Variants in STAT4 observed in about 807,000 individuals in gnomAD.
The protein encoded by STAT4 is signal transducer and activator of transcription 4.
Under a neutral mutation model 110.5 loss-of-function variants are expected in STAT4, and 42 were observed. The observed-to-expected ratio is 0.38, with a 90% CI of 0.30 to 0.49. The LOEUF (loss-of-function observed/expected upper bound fraction) is 0.49, where lower values mean the gene tolerates loss of function less well. Among genes scored for constraint, STAT4 ranks in the 20% least tolerant of loss-of-function variants. The probability of loss-of-function intolerance (pLI) is 0.95; values close to 1 mark genes in which losing one functional copy is unlikely to be tolerated. For missense variants in STAT4, 632 were observed against 887.9 expected (o/e 0.71, Z 3.66); for synonymous variants, 284 against 302.2 (o/e 0.94, Z 0.63).
At chr2:191,109,564 G>A (rs1490814808) in intron 3 of STAT4, among the ~76,000 whole-genome samples, 1 of 152,182 alleles carries the variant, frequency 6.6e-6, no homozygotes, top group Admixed American at 6.5e-5. Context: ...AGGTGGCTTT[G>A]TTGGGGTCAT....
chr2:191,031,508 G>C lies in STAT4; in HGVS notation c.2053C>G (p.Pro685Ala), dbSNP rs1163611406. The change falls in exon 22 of 24, where the codon CCA becomes GCA. Residue 685 changes from proline (P) to alanine (A), a missense_variant. Pro to Ala is a conservative substitution (Grantham distance 27, BLOSUM62 -1). Transcript: ENST00000392320. This position sits in a 1 kb window ranked among gnomAD's most constrained non-coding sequence, Gnocchi z 4.8. ...YSSQPCEVSRPTERGDKGYVP... is the reference protein window; with the variant it reads ...YSSQPCEVSRATERGDKGYVP... The stretch of plus-strand genomic sequence containing the variant: ...TAACCTTTGTCACCCCTTTCTGTTG[G>C]TCTTGAAACTGGAAAACAAAAAGGC... 3.7e-6 allele frequency: 6 copies of C among 1,612,802 alleles called. No homozygotes were observed. Among genetic ancestry groups the C allele is most frequent in the Non-Finnish European group, 5.1e-6 (6 of 1,179,396 alleles).
chr2:191,136,742 G>A (rs1052949827), intron 3 of STAT4, among the ~76,000 whole-genome samples: 4 of 152,052 alleles, frequency 2.6e-5, no homozygotes, highest in Admixed American at 2.6e-4. Flanking sequence ...GTGACAGAGT[G>A]AGACTCTGTA....
chr2:191,039,134 T>C lies in STAT4; in HGVS notation c.1434+65A>G. The C allele has an allele frequency of 7.1e-7, 1 of 1,417,104 alleles. No individual in the cohort carries two copies. Among genetic ancestry groups the C allele is most frequent in the Non-Finnish European group, 1.0e-6 (1 of 1,000,714 alleles). 87.8% of individuals were successfully genotyped at this position (1,417,104 alleles called of 1,614,324 possible). A position where few individuals can be genotyped will look rare whatever the true frequency, so the allele number is the denominator to read the frequency against. On this transcript the variant is annotated intron_variant, in intron 16 of 23. Coordinates refer to ENST00000392320, the MANE Select transcript of STAT4 (RefSeq NM_003151.4). This position sits in a 1 kb window ranked among gnomAD's most constrained non-coding sequence, Gnocchi z 4.7. Reference sequence around the variant, plus strand: ...TGGCACACACATGTTTTGATGCAGATGTGTTTGTTGGCAATAAAACAAATC... The same window carrying C: ...TGGCACACACATGTTTTGATGCAGACGTGTTTGTTGGCAATAAAACAAATC...
intron 3 of STAT4, among the ~76,000 whole-genome samples, chr2:191,085,920 C>A (rs1272368063): frequency 6.6e-6 from 1 of 152,012 alleles, no homozygotes; most frequent in Non-Finnish European, 1.5e-5. Flanking sequence ...TCAAGAAAAC[C>A]TTTTTTTCAT....
intron 3 of STAT4, among the ~76,000 whole-genome samples, chr2:191,079,033 C>A (rs755940059): frequency 6.6e-6 from 1 of 152,054 alleles, no homozygotes; most frequent in Non-Finnish European, 1.5e-5. Flanking sequence ...CACTGCTCTG[C>A]TGGGCCAGCT....
At chr2:191,114,452 G>A (rs4254532) in intron 3 of STAT4, among the ~76,000 whole-genome samples, 90,731 of 152,000 alleles carry the variant, frequency 0.6, 27,696 homozygotes, top group South Asian at 0.72. Flanking sequence ...AAGAAGAAAC[G>A]ATATATTTAA....
rs1318958255 is a variant in STAT4, at chr2:191,059,382, T to C, written c.1035-613A>G. 6.6e-6 allele frequency among the ~76,000 whole-genome samples: 1 copy of C among 152,252 alleles called. No individual in the cohort carries two copies. Among genetic ancestry groups the C allele is most frequent in the African/African-American group, 2.4e-5 (1 of 41,468 alleles). ...TTCCTTCTGGTGTCAGCCCATCCTT[T>C]ATTCTTTTGCTTTCTCCAGCTCCTC... On this transcript the variant is annotated intron_variant, in intron 10 of 23. Coordinates refer to ENST00000392320, the MANE Select transcript of STAT4 (RefSeq NM_003151.4). The surrounding 1 kb of genome is among the most constrained non-coding windows in gnomAD (Gnocchi z 4.7).
intron 3 of STAT4, among the ~76,000 whole-genome samples, chr2:191,141,079 G>C (rs947152093): frequency 6.6e-6 from 1 of 151,944 alleles, no homozygotes; most frequent in Non-Finnish European, 1.5e-5. Flanking sequence ...TTGGGGACTT[G>C]TGGGGGAAGG....
In STAT4 at chr2:191,042,032, G is replaced by C. The variant is rs1345202484; in HGVS notation, c.1252-884C>G. On this transcript the variant is annotated intron_variant, in intron 14 of 23. Transcript: ENST00000392320. The surrounding 1 kb of genome is among the most constrained non-coding windows in gnomAD (Gnocchi z 4.2). ...CCCCTTCTCCGACATCTAGAGCCAG[G>C]CTTAAAAGCTCCTGGAAAGGTATCT... 6.6e-6 allele frequency among the ~76,000 whole-genome samples: 1 copy of C among 152,166 alleles called. No homozygotes were observed. The highest frequency in any genetic ancestry group is 1.5e-5 in the Non-Finnish European group (1 of 68,024).
Position 191,036,099 on chromosome 2 carries a change from C to T in STAT4, c.1570+65G>A. 1.9e-6 allele frequency: 3 copies of T among 1,570,458 alleles called. No homozygotes were observed. In the Admixed American group the frequency reaches 5.6e-5, roughly 29 times the overall value. ...TATTATTAGTAGTAGTAATAGCGTC[C>T]TGGTTATTTAAAATGCCTGAGGGCC... is the stretch of plus-strand genomic sequence containing the variant. On this transcript the variant is annotated intron_variant, in intron 17 of 23. Coordinates refer to ENST00000392320, the MANE Select transcript of STAT4 (RefSeq NM_003151.4).
chr2:191,033,106 C>T lies in STAT4; in HGVS notation c.1896G>A (p.Arg632=), dbSNP rs112819248. Residue 632 remains arginine, a synonymous_variant, in exon 21 of 24, where the codon CGG becomes CGA. Transcript: ENST00000392320. The surrounding 1 kb of genome is among the most constrained non-coding windows in gnomAD (Gnocchi z 6.9). ...FHSVEPYNKG[R]LSALPFADIL... is the part of the protein sequence containing the mutation. The stretch of plus-strand genomic sequence containing the variant: ...TGTCAGCGAATGGCAGAGCAGACAA[C>T]CGGCCTTTATTGTAGGGTTCTACAG... 6.2e-7 allele frequency: 1 copy of T among 1,614,136 alleles called. No individual in the cohort carries two copies. Among genetic ancestry groups the T allele is most frequent in the South Asian group, 1.1e-5 (1 of 91,084 alleles).
In STAT4 at chr2:191,031,755, T is replaced by G. The variant is rs1695902667; in HGVS notation, c.2045-239A>C. On this transcript the variant is annotated intron_variant, in intron 21 of 23. Transcript: ENST00000392320. The surrounding 1 kb of genome is among the most constrained non-coding windows in gnomAD (Gnocchi z 4.8). The stretch of plus-strand genomic sequence containing the variant: ...GGCCTAATCTGACTTTACATATTAA[T>G]GCCTCTAAACTGTGTGGGAAAAATT... 6.6e-6 allele frequency among the ~76,000 whole-genome samples: 1 copy of G among 152,244 alleles called. No homozygotes were observed. Among genetic ancestry groups the G allele is most frequent in the Non-Finnish European group, 1.5e-5 (1 of 68,044 alleles).
At position 191,104,832 on chromosome 2, in the gene STAT4, T is replaced by A. The variant is rs568483337; in HGVS notation, c.274-28507A>T. Among the ~76,000 whole-genome samples, 7 of 152,246 alleles carry A rather than the reference T, an allele frequency of 4.6e-5. No homozygotes were observed. The South Asian group carries it at 1.5e-3, about 32-fold the overall frequency. On this transcript the variant is annotated intron_variant, in intron 3 of 23. Transcript: ENST00000392320. The surrounding 1 kb of genome is among the most constrained non-coding windows in gnomAD (Gnocchi z 4.3). ...GGGTCCTGGCTGGTGTTTGAGACCT[T>A]CTGGACTAAGACTGAGACCACCTGG... is the stretch of plus-strand genomic sequence containing the variant.
intron 14 of STAT4, among the ~76,000 whole-genome samples, chr2:191,045,843 T>C (rs932289845): frequency 3.3e-5 from 5 of 152,162 alleles, no homozygotes; most frequent in African/African-American, 1.2e-4. Context: ...TTAATAAACA[T>C]TCTGCTTAAA....
At position 191,058,094 on chromosome 2, in the gene STAT4, A is replaced by G; in HGVS notation, c.1130T>C (p.Leu377Pro). 6.2e-7 allele frequency: 1 copy of G among 1,614,072 alleles called. No homozygotes were observed. The highest frequency in any genetic ancestry group is 8.5e-7 in the Non-Finnish European group (1 of 1,179,974). Residue 377 changes from leucine (L) to proline (P), a missense_variant, in exon 13 of 24, where the codon CTT (leucine) becomes CCT (proline). Coordinates refer to ENST00000392320, the MANE Select transcript of STAT4 (RefSeq NM_003151.4). This position sits in a 1 kb window ranked among gnomAD's most constrained non-coding sequence, Gnocchi z 4.3. ...CATGGCTTTGACATTAGTTCCACAA[A>G]GTACAAATCTTCGGTTGCTGGAGAG... ...VSTLSNRRFV[L>P]CGTNVKAMSI... is the part of the protein sequence containing the mutation.
chr2:191,090,968 C>G lies in STAT4; in HGVS notation c.274-14643G>C, dbSNP rs1002678118. ...TTTCCTGCAGAATGATCTATGTCTA[C>G]GAAGACTTAACCCTTCTAGACAATC... On this transcript the variant is annotated intron_variant, in intron 3 of 23. Coordinates refer to ENST00000392320, the MANE Select transcript of STAT4 (RefSeq NM_003151.4). This position sits in a 1 kb window ranked among gnomAD's most constrained non-coding sequence, Gnocchi z 4.2. 6.6e-6 allele frequency among the ~76,000 whole-genome samples: 1 copy of G among 152,086 alleles called. No homozygotes were observed. The highest frequency in any genetic ancestry group is 1.5e-5 in the Non-Finnish European group (1 of 68,018).
At position 191,029,625 on chromosome 2, in the gene STAT4, T is replaced by C. The variant is rs1405353726; in HGVS notation, c.*215A>G. The C allele has an allele frequency of 5.5e-6, 3 of 542,850 alleles. No individual in the cohort carries two copies. Among genetic ancestry groups the C allele is most frequent in the Non-Finnish European group, 9.6e-6 (3 of 313,240 alleles). 33.6% of individuals were successfully genotyped at this position (542,850 alleles called of 1,614,324 possible). A position where few individuals can be genotyped will look rare whatever the true frequency, so the allele number is the denominator to read the frequency against. On this transcript the variant is annotated 3_prime_UTR_variant, in exon 24 of 24. Coordinates refer to ENST00000392320, the MANE Select transcript of STAT4 (RefSeq NM_003151.4). The surrounding 1 kb of genome is among the most constrained non-coding windows in gnomAD (Gnocchi z 4.5). ...ACTGGTTTCTTAAAGTTGTCTTATC[T>C]TGCAAGTTTATCTGAAGCTTTGGTT...
intron 3 of STAT4, chr2:191,131,871 G>A: frequency 6.8e-7 from 1 of 1,460,820 alleles, no homozygotes; most frequent in Non-Finnish European, 9.0e-7. Flanking sequence ...GTCGATCCAA[G>A]GGCAGCTGTG....
At chr2:191,130,634 C>T (rs535422988) in intron 3 of STAT4, among the ~76,000 whole-genome samples, 89 of 151,656 alleles carry the variant, frequency 5.9e-4, no homozygotes, top group Admixed American at 1.9e-3. Flanking sequence ...TGCTGGGGAC[C>T]CGTATTTCTA....
Sources: allele counts gnomAD v4.1 joint callset (sites outside exome capture counted in the v4.1 genomes callset), GRCh38; gene constraint gnomAD v4.1.1; non-coding constraint Gnocchi (gnomAD v3.1); transcripts MANE v1.5; gene names NCBI Gene and HGNC (gene_info 2026-07-23, HGNC 2026-07-21).